Variants in MACF1 observed in about 807,000 individuals in gnomAD.
MACF1 encodes microtubule-actin cross-linking factor 1.
In MACF1, 193 loss-of-function variants were observed where a neutral mutation model predicts 854.8. The ratio of observed to expected loss-of-function variants is 0.23; its 90% confidence interval spans 0.20 to 0.25. MACF1 has a LOEUF of 0.25. MACF1 is among the 10% of genes least tolerant of loss of function. The pLI, the probability that MACF1 is intolerant of heterozygous loss-of-function variation, is 1.00. For missense variants in MACF1, 7,722 were observed against 8,929.1 expected (o/e 0.86, Z 5.45); for synonymous variants, 3,185 against 3,226.7 (o/e 0.99, Z 0.44).
intron 57 of MACF1, among the ~76,000 whole-genome samples, chr1:39,386,291 C>T (rs149403802): frequency 1.1e-4 from 16 of 150,668 alleles, no homozygotes; most frequent in South Asian, 6.3e-4. Context: ...CACACGGTCT[C>T]GCTCTGTCAC....
upstream of MACF1, among the ~76,000 whole-genome samples, chr1:39,201,569 G>C (rs1644390130): frequency 6.6e-6 from 1 of 152,052 alleles, no homozygotes; most frequent in Non-Finnish European, 1.5e-5. Context: ...AGTCAGGATG[G>C]TCTCGATCTC....
chr1:39,342,836 A>G (rs1337595466), intron 40 of MACF1, among the ~76,000 whole-genome samples: 9 of 152,142 alleles, frequency 5.9e-5, no homozygotes, highest in Non-Finnish European at 1.3e-4. Flanking sequence ...CTTTTTAAAT[A>G]AAGGGCCAGA....
chr1:39,283,548 CTT>C lies in MACF1; in HGVS notation c.915+35_915+36del, dbSNP rs1557562403. The C allele has an allele frequency of 6.8e-7, 1 of 1,471,600 alleles. No homozygotes were observed. The highest frequency in any genetic ancestry group is 1.7e-5 in the Admixed American group (1 of 59,628). 91.2% of individuals were successfully genotyped at this position (1,471,600 alleles called of 1,614,324 possible). ...AACATTTTCCTAGAAGGCCTTCTGA[CTT>C]TGATTCATTTGGGTGAAATGCATTG... On this transcript the variant is annotated intron_variant, in intron 9 of 100. Transcript: ENST00000564288. This position sits in a 1 kb window ranked among gnomAD's most constrained non-coding sequence, Gnocchi z 4.5.
In MACF1 at chr1:39,333,017, G is replaced by A. The variant is rs151266267; in HGVS notation, c.6429G>A (p.Pro2143=). The part of the protein sequence containing the change: ...TIPPAEAEGV[P]LVVDKDVFSV... ...CTCCTGCTGAGGCGGAAGGTGTGCCGTTGGTGGTTGACAAAGATGTTTTTT... is the reference window on the plus strand; with the variant it reads ...CTCCTGCTGAGGCGGAAGGTGTGCCATTGGTGGTTGACAAAGATGTTTTTT... Residue 2143 remains proline (P), a synonymous_variant, in exon 37 of 101, where the codon CCG becomes CCA. Transcript: ENST00000564288. 1.7e-5 allele frequency: 28 copies of A among 1,613,974 alleles called. No homozygotes were observed. The highest frequency in any genetic ancestry group is 8.9e-5 in the East Asian group (4 of 44,892).
At chr1:39,363,996 C>T (rs1648451048) in intron 49 of MACF1, among the ~76,000 whole-genome samples, 1 of 152,122 alleles carries the variant, frequency 6.6e-6, no homozygotes, top group African/African-American at 2.4e-5. Flanking sequence ...TATTTTTTCC[C>T]ATAATATTGG....
At chr1:39,346,898 C>T (rs1647062685) in intron 40 of MACF1, 79 bp from the exon 41 acceptor site, 2 of 897,842 alleles carry the variant, frequency 2.2e-6, no homozygotes, top group Admixed American at 4.7e-5. Context: ...CTCTCTGATT[C>T]TGTTGGTTTT....
At chr1:39,093,125 G>C (rs1641849492) in intron 2 of MACF1, among the ~76,000 whole-genome samples, 1 of 151,698 alleles carries the variant, frequency 6.6e-6, no homozygotes, top group South Asian at 2.1e-4. Context: ...ATCAACACAA[G>C]AAGACTTCTG....
At chr1:39,087,682 A>T (rs1405342972) in intron 2 of MACF1, among the ~76,000 whole-genome samples, 2 of 152,216 alleles carry the variant, frequency 1.3e-5, no homozygotes, top group Non-Finnish European at 2.9e-5. Context: ...GGCAGGACAT[A>T]TGTTAGCATC....
chr1:39,163,770 CA>C (rs1447855564), intron 2 of MACF1, among the ~76,000 whole-genome samples: 1 of 152,186 alleles, frequency 6.6e-6, no homozygotes. Context: ...CATACACCCT[CA>C]GAGAGTGAAT....
intron 71 of MACF1, among the ~76,000 whole-genome samples, chr1:39,438,483 G>A (rs1296984763): frequency 6.6e-6 from 1 of 152,194 alleles, no homozygotes; most frequent in Non-Finnish European, 1.5e-5. Flanking sequence ...GAAAACGCTA[G>A]TATATAAATA....
upstream of MACF1, among the ~76,000 whole-genome samples, chr1:39,202,574 G>T (rs1307526360): frequency 6.6e-6 from 1 of 151,746 alleles, no homozygotes; most frequent in East Asian, 2.0e-4. Flanking sequence ...GGCACAGGTT[G>T]CAGTGAGCCA....
chr1:39,090,986 G>C (rs1310026672), intron 2 of MACF1, among the ~76,000 whole-genome samples: 21 of 27,408 alleles, frequency 7.7e-4, no homozygotes, highest in Non-Finnish European at 1.7e-3. Context: ...AAGCCTGCCA[G>C]CCTGAAAGCC....
chr1:39,330,523 C>T (rs983042084), intron 36 of MACF1, among the ~76,000 whole-genome samples: 4 of 152,116 alleles, frequency 2.6e-5, no homozygotes, highest in African/African-American at 9.7e-5. Context: ...GGAACTGTTA[C>T]GTGTCTTTAA....
chr1:39,197,686 A>C (rs939329337), intron 2 of MACF1, among the ~76,000 whole-genome samples: 1 of 151,420 alleles, frequency 6.6e-6, no homozygotes, highest in African/African-American at 2.4e-5. Context: ...GGAGTTTGAG[A>C]CCAGCCTGGA....
Position 39,442,196 on chromosome 1 carries a change from ATC to A in MACF1, c.18825_18826del (p.Asn6275LysfsTer4). 6.2e-7 allele frequency: 1 copy of A among 1,603,264 alleles called. No individual in the cohort carries two copies. Among genetic ancestry groups the A allele is most frequent in the South Asian group, 1.1e-5 (1 of 89,722 alleles). On this transcript the variant is annotated frameshift_variant, in exon 76 of 101. Transcript: ENST00000564288. LOFTEE classifies it high-confidence loss of function. ...CAGCAAATTGAGATGGAGAAGCTTAATCACCAGGGTGAACTGATGTTAAAGAA... is the reference window on the plus strand; with the variant it reads ...CAGCAAATTGAGATGGAGAAGCTTAAACCAGGGTGAACTGATGTTAAAGAA...
chr1:39,313,509 C>T (rs538449665), intron 26 of MACF1, among the ~76,000 whole-genome samples: 1 of 152,158 alleles, frequency 6.6e-6, no homozygotes, highest in Non-Finnish European at 1.5e-5. Context: ...AAAAACCAGG[C>T]CTTCTTTCCT....
intron 58 of MACF1, among the ~76,000 whole-genome samples, chr1:39,408,383 G>T (rs577431181): frequency 6.6e-6 from 1 of 152,304 alleles, no homozygotes; most frequent in South Asian, 2.1e-4. Context: ...GGAAAGTGCC[G>T]GGTTTAAGGC....
intron 2 of MACF1, among the ~76,000 whole-genome samples, chr1:39,119,231 C>T (rs1050532256): frequency 4.7e-5 from 7 of 148,056 alleles, no homozygotes; most frequent in Non-Finnish European, 1.0e-4. Context: ...GCAGGAGAAT[C>T]GCTTGAACCC....
rs1431257492 is a variant in MACF1 at position 39,444,766 on chromosome 1, G to C, written c.19536G>C (p.Lys6512Asn). 6.2e-7 allele frequency: 1 copy of C among 1,614,132 alleles called. No homozygotes were observed. The highest frequency in any genetic ancestry group is 1.7e-5 in the Admixed American group (1 of 60,024). ...LSRDDSGSGS[K>N]TEQSVALLEQ... ...GTGACGACTCTGGGTCTGGCTCCAAGACAGAACAGAGTGTAGCACTTTTGG... is the reference window on the plus strand; with the variant it reads ...GTGACGACTCTGGGTCTGGCTCCAACACAGAACAGAGTGTAGCACTTTTGG... The change falls in exon 80 of 101, where the codon AAG becomes AAC. Residue 6512 changes from lysine to asparagine, a missense_variant. Physicochemically the swap from Lys to Asn is moderately conservative, Grantham distance 94. Around this residue, in one of 15 missense-constraint regions of MACF1, gnomAD observed 729 missense variants for 900.5 expected, o/e 0.81. Transcript: ENST00000564288.
Sources: gnomAD v4.1 joint callset for allele counts (sites outside exome capture counted in the v4.1 genomes callset) on GRCh38, gnomAD v4.1.1 for gene constraint, gnomAD v4.1.1 regional missense constraint, Gnocchi (gnomAD v3.1) non-coding constraint, MANE v1.5 for transcripts, NCBI Gene and HGNC (gene_info 2026-07-23, HGNC 2026-07-21) for gene names.